Variants in NFIA observed in about 807,000 individuals in gnomAD.
The protein encoded by NFIA is nuclear factor I A.
Under a neutral mutation model 62.8 loss-of-function variants are expected in NFIA, and 8 were observed. The observed-to-expected ratio is 0.13, with a 90% CI of 0.07 to 0.23. The LOEUF is 0.23. Ranked by LOEUF, NFIA falls within the 10% of genes least tolerant of loss-of-function variation. The pLI is 1.00. For synonymous variants in NFIA, 235 were observed against 238.1 expected (o/e 0.99, Z 0.12); for missense variants, 410 against 642.1 (o/e 0.64, Z 3.91).
chr1:61,082,775 C>G lies in NFIA; in HGVS notation c.-17C>G, dbSNP rs752605340. The stretch of plus-strand genomic sequence containing the variant: ...CGCACACCCAGACGCACACGCATAC[C>G]CCAGCGCCCGGCAGTTATGTATTCT... On this transcript the variant is annotated 5_prime_UTR_variant, in exon 1 of 11. Transcript: ENST00000403491. The G allele has an allele frequency of 6.4e-7, 1 of 1,553,138 alleles. No individual in the cohort carries two copies. The highest frequency in any genetic ancestry group is 1.2e-5 in the South Asian group (1 of 84,174).
At chr1:61,189,577 A>T (rs576772420) in intron 2 of NFIA, among the ~76,000 whole-genome samples, 1 of 152,198 alleles carries the variant, frequency 6.6e-6, no homozygotes, top group African/African-American at 2.4e-5. Context: ...AGGCAGGGGA[A>T]TTGCTTGAAA....
intron 3 of NFIA, among the ~76,000 whole-genome samples, chr1:61,316,676 C>G (rs1049528012): frequency 2.0e-5 from 3 of 152,158 alleles, no homozygotes; most frequent in African/African-American, 7.2e-5. Context: ...CTGAGATGTC[C>G]TCAACACGTT....
chr1:61,093,881 G>A (rs1255032525), intron 2 of NFIA, among the ~76,000 whole-genome samples: 3 of 152,210 alleles, frequency 2.0e-5, no homozygotes, highest in Admixed American at 1.3e-4. Flanking sequence ...TTTAAGGCTA[G>A]TGTGGGAGAA....
intron 5 of NFIA, 87 bp from the exon 6 acceptor site, chr1:61,359,060 C>T (rs758077566): frequency 3.4e-5 from 52 of 1,550,674 alleles, no homozygotes; most frequent in Non-Finnish European, 4.1e-5. Flanking sequence ...TTGCTTCCTC[C>T]CTTGGCTTTC....
intron 2 of NFIA, among the ~76,000 whole-genome samples, chr1:61,108,179 C>T (rs1184751488): frequency 6.6e-6 from 1 of 151,464 alleles, no homozygotes; most frequent in Non-Finnish European, 1.5e-5. Context: ...GTGAAACATC[C>T]TATTGGGACT....
At chr1:61,223,387 T>C (rs1654134997) in intron 2 of NFIA, among the ~76,000 whole-genome samples, 1 of 152,012 alleles carries the variant, frequency 6.6e-6, no homozygotes, top group South Asian at 2.1e-4. Flanking sequence ...ATGAAAGGTG[T>C]CACATGCAGC....
intron 2 of NFIA, among the ~76,000 whole-genome samples, chr1:61,212,181 T>A (rs72664871): frequency 0.14 from 20,653 of 152,138 alleles, 1,633 homozygotes; most frequent in South Asian, 0.21. Flanking sequence ...TTTCAGTGCT[T>A]AAGGGCACAG....
chr1:61,392,740 G>A (rs2474389), intron 7 of NFIA, among the ~76,000 whole-genome samples: 46,684 of 152,196 alleles, frequency 0.31, 7,518 homozygotes, highest in East Asian at 0.58. Flanking sequence ...TGGGAGGACA[G>A]GTTAGAGCAG....
At chr1:61,315,869 T>G (rs185035163) in intron 3 of NFIA, among the ~76,000 whole-genome samples, 1 of 152,362 alleles carries the variant, frequency 6.6e-6, no homozygotes, top group East Asian at 1.9e-4. Context: ...TTTCAATTTT[T>G]ACATGTTATT....
At chr1:61,193,904 A>G (rs575575450) in intron 2 of NFIA, among the ~76,000 whole-genome samples, 4 of 152,326 alleles carry the variant, frequency 2.6e-5, no homozygotes, top group Admixed American at 1.3e-4. Flanking sequence ...CCTTATGCCT[A>G]CATTTTTATT....
intron 2 of NFIA, among the ~76,000 whole-genome samples, chr1:61,187,232 C>T (rs980631986): frequency 1.3e-5 from 2 of 151,994 alleles, no homozygotes; most frequent in South Asian, 2.1e-4. Context: ...ATTATTATGC[C>T]ATATTGAAAT....
At chr1:61,081,939 CAT>C (rs1646100826), upstream of NFIA, 1 of 1,550,138 alleles carries the variant, frequency 6.5e-7, no homozygotes, top group Admixed American at 2.0e-5. Context: ...AAGAAATTTG[CAT>C]ACATGCAAAT....
chr1:61,400,323 C>T (rs17356825), intron 7 of NFIA, among the ~76,000 whole-genome samples: 6,884 of 152,258 alleles, frequency 0.045, 235 homozygotes, highest in South Asian at 0.12. Flanking sequence ...AAAGCCCAAA[C>T]AGTTGTTTTA....
chr1:61,456,477 AAAATG>A lies in NFIA; in HGVS notation c.*1162_*1166del, dbSNP rs1332786514. The A allele has an allele frequency of 6.6e-6, 1 of 152,216 alleles. No individual in the cohort carries two copies. The highest frequency in any genetic ancestry group is 1.9e-4 in the East Asian group (1 of 5,196). 9.4% of individuals were successfully genotyped at this position (152,216 alleles called of 1,614,324 possible). On this transcript the variant is annotated 3_prime_UTR_variant, in exon 11 of 11. Transcript: ENST00000403491. ...TTTTCTGTTATCAAAGCACATGACT[AAAATG>A]AAATCATGGTATCTGTTAATTTTAT...
intron 4 of NFIA, among the ~76,000 whole-genome samples, chr1:61,339,447 T>A (rs1250777866): frequency 6.6e-6 from 1 of 152,186 alleles, no homozygotes; most frequent in Admixed American, 6.5e-5. Flanking sequence ...ATATTATGAC[T>A]TTGCAAATGT....
At chr1:61,249,491 A>G (rs912961980) in intron 2 of NFIA, among the ~76,000 whole-genome samples, 1 of 152,212 alleles carries the variant, frequency 6.6e-6, no homozygotes, top group African/African-American at 2.4e-5. Flanking sequence ...AATAATGGCC[A>G]GATGCGGTGG....
chr1:61,289,720 C>T (rs1658743685), intron 3 of NFIA, among the ~76,000 whole-genome samples: 1 of 152,140 alleles, frequency 6.6e-6, no homozygotes, highest in South Asian at 2.1e-4. Flanking sequence ...CTTTTCCTTC[C>T]TCTTGTTTTG....
intron 2 of NFIA, among the ~76,000 whole-genome samples, chr1:61,092,991 C>CAGTATTTATA (rs1337597246): frequency 6.6e-6 from 1 of 152,076 alleles, no homozygotes; most frequent in East Asian, 1.9e-4. Flanking sequence ...TGTAATTATA[C>CAGTATTTATA]AGATAAGGTT....
intron 2 of NFIA, among the ~76,000 whole-genome samples, chr1:61,160,718 T>C (rs1327077933): frequency 6.6e-6 from 1 of 152,230 alleles, no homozygotes; most frequent in Non-Finnish European, 1.5e-5. Context: ...CGCTGACTAA[T>C]GCAGATGACT....
Sources: gnomAD v4.1 joint callset for allele counts (sites outside exome capture counted in the v4.1 genomes callset) on GRCh38, gnomAD v4.1.1 for gene constraint, MANE v1.5 for transcripts, NCBI Gene and HGNC (gene_info 2026-07-23, HGNC 2026-07-21) for gene names.